The following GNL3L variants were observed in gnomAD, a reference collection of about 807,000 sequenced individuals.
GNL3L encodes the protein guanine nucleotide-binding protein-like 3-like protein.
A neutral mutation model predicts 42.9 loss-of-function variants in GNL3L; 4 were observed. That is an observed-to-expected ratio of 0.09 (90% CI 0.05 to 0.21). The LOEUF is 0.21. GNL3L is among the 10% of genes least tolerant of loss of function. GNL3L has a pLI of 1.00. For synonymous variants in GNL3L, 159 were observed against 176.3 expected, an observed-to-expected ratio of 0.90 and a Z score of 0.78; for missense variants, 412 against 481.7, an observed-to-expected ratio of 0.86 and a Z score of 1.36.
chrX:54,633,025 T>C, the GNL3L span, among the ~76,000 whole-genome samples: 1 of 110,793 alleles, frequency 9.0e-6, no homozygotes, highest in African/African-American at 3.3e-5. Context: ...GTGCAGTGAT[T>C]GTTATTGTTC....
chrX:54,629,155 G>A, the GNL3L span, among the ~76,000 whole-genome samples: 20 of 109,725 alleles, frequency 1.8e-4, no homozygotes, highest in Admixed American at 5.9e-4. Context: ...AGATCTAGAA[G>A]CTTTCTGGAG....
At chrX:54,548,086 G>A (rs1924823850) in intron 8 of GNL3L, 143 bp from the exon 9 acceptor site, 1 of 470,222 alleles carries the variant, frequency 2.1e-6, no homozygotes. Context: ...GAAATGACAC[G>A]TGTTCAAGAT....
chrX:54,607,138 T>TTTC lies in GNL3L; in HGVS notation c.*46-13705_*46-13704insCTT, dbSNP rs1426855903. Among the ~76,000 whole-genome samples the TTTC allele has an allele frequency of 4.1e-4, 36 of 86,819 alleles. 1 individual carries two copies. The highest frequency in any genetic ancestry group is 1.6e-3 in the African/African-American group (32 of 19,450). 75.4% of individuals were successfully genotyped at this position (86,819 alleles called of 115,157 possible). On this transcript the variant is annotated intron_variant, in intron 16 of 16. Transcript: ENST00000674498. ...CTTTCTTTCTTTCTTTCTTTCTTTC[T>TTTC]TTGTCTCTCTCTCTCTCTCTTTCTT...
At chrX:54,615,451 T>C (rs1926209633) in intron 16 of GNL3L, among the ~76,000 whole-genome samples, 1 of 111,883 alleles carries the variant, frequency 8.9e-6, no homozygotes, top group Non-Finnish European at 1.9e-5. Context: ...AATTGCTGGG[T>C]CATATGGCAA....
chrX:54,595,799 C>T (rs752733682), intron 16 of GNL3L, among the ~76,000 whole-genome samples: 4 of 112,016 alleles, frequency 3.6e-5, no homozygotes, highest in Middle Eastern at 4.6e-3. Flanking sequence ...TTTTTCTGCT[C>T]GATCAATTCT....
intron 9 of GNL3L, 39 bp downstream of exon 9, chrX:54,548,412 T>C (rs1304751342): frequency 9.1e-7 from 1 of 1,102,724 alleles, no homozygotes; most frequent in East Asian, 3.0e-5. Flanking sequence ...CAGGCTTCTT[T>C]CTTGAGCGGA....
the GNL3L span, among the ~76,000 whole-genome samples, chrX:54,645,274 A>T: frequency 9.8e-5 from 11 of 111,697 alleles, no homozygotes; most frequent in South Asian, 3.7e-3. Context: ...TGGGGCTTGC[A>T]CCTTTTCTCT....
chrX:54,636,770 T>C, the GNL3L span, among the ~76,000 whole-genome samples: 1 of 112,293 alleles, frequency 8.9e-6, no homozygotes. Context: ...TCCAATCCAC[T>C]GTTGATGGGC....
rs1925327591 is a variant in GNL3L, at chrX:54,563,394, A to C, written c.*2792A>C. 9.0e-6 allele frequency among the ~76,000 whole-genome samples: 1 copy of C among 111,381 alleles called. No homozygotes were observed. Among genetic ancestry groups the C allele is most frequent in the South Asian group, 3.8e-4 (1 of 2,645 alleles). ...GTAATGGAGAAGTGCTGGGAGGTAA[A>C]TATTAGAAATGGAAGTATCTAAATG... On this transcript the variant is annotated 3_prime_UTR_variant, in exon 16 of 16. Transcript: ENST00000360845.
At chrX:54,567,608 T>C (rs962506667), downstream of GNL3L, among the ~76,000 whole-genome samples, 5 of 105,957 alleles carry the variant, frequency 4.7e-5, no homozygotes, top group Non-Finnish European at 7.7e-5. Context: ...ATCACACCAT[T>C]GCACTCTAGC....
intron 16 of GNL3L, among the ~76,000 whole-genome samples, chrX:54,618,221 C>G (rs1347181286): frequency 9.0e-6 from 1 of 110,716 alleles, no homozygotes; most frequent in Non-Finnish European, 1.9e-5. Flanking sequence ...ATTATCTGCC[C>G]CGGCAGTCTT....
At chrX:54,537,146 C>T (rs1924459733) in intron 2 of GNL3L, among the ~76,000 whole-genome samples, 1 of 108,564 alleles carries the variant, frequency 9.2e-6, no homozygotes, top group Middle Eastern at 4.7e-3. Context: ...CCTCAGCTTC[C>T]TGAGAGCTAG....
chrX:54,588,105 T>C (rs1231897742), intron 16 of GNL3L, among the ~76,000 whole-genome samples: 1 of 112,266 alleles, frequency 8.9e-6, no homozygotes, highest in Non-Finnish European at 1.9e-5. Context: ...CTAGGAGATA[T>C]TTTGGTAGCT....
At chrX:54,580,130 T>G in intron 16 of GNL3L, among the ~76,000 whole-genome samples, 1 of 94,295 alleles carries the variant, frequency 1.1e-5, no homozygotes, top group Non-Finnish European at 2.1e-5. Context: ...GTATATCTCC[T>G]AGTGCTATCC....
At chrX:54,617,882 G>A (rs1238444767) in intron 16 of GNL3L, among the ~76,000 whole-genome samples, 1 of 111,567 alleles carries the variant, frequency 9.0e-6, no homozygotes, top group African/African-American at 3.3e-5. Context: ...AAGCTATCCA[G>A]TTTATGGTAT....
chrX:54,611,385 G>C (rs1189908598), intron 16 of GNL3L, among the ~76,000 whole-genome samples: 1 of 111,407 alleles, frequency 9.0e-6, no homozygotes, highest in African/African-American at 3.3e-5. Flanking sequence ...CCTTTCTTCT[G>C]TTGGGTTTGG....
chrX:54,536,084 C>T (rs1476259565), intron 2 of GNL3L, among the ~76,000 whole-genome samples: 2 of 111,251 alleles, frequency 1.8e-5, no homozygotes, highest in Non-Finnish European at 3.8e-5. Flanking sequence ...CGTGCCAACA[C>T]GCCCGGCTAA....
downstream of GNL3L, among the ~76,000 whole-genome samples, chrX:54,624,421 C>A (rs868142924): frequency 1.0e-5 from 1 of 95,254 alleles, no homozygotes; most frequent in African/African-American, 3.9e-5. Context: ...GGAATGATTT[C>A]TTTTTTTTTT....
chrX:54,560,739 C>G lies in GNL3L; in HGVS notation c.*137C>G. On this transcript the variant is annotated 3_prime_UTR_variant, in exon 16 of 16. Transcript: ENST00000360845. ...TCCCCACTGTGTGTCTTCTCCCCCTCCTCCAGTAAAAACAGTCCCGGCTAG... is the reference window on the plus strand; with the variant it reads ...TCCCCACTGTGTGTCTTCTCCCCCTGCTCCAGTAAAAACAGTCCCGGCTAG... 4.1e-6 allele frequency: 2 copies of G among 485,091 alleles called. No homozygotes were observed. The highest frequency in any genetic ancestry group is 6.3e-5 in the South Asian group (2 of 31,664). The allele number at this position is 485,091 out of a possible 1,213,427, so 40.0% of individuals were successfully genotyped here. A position where few individuals can be genotyped will look rare whatever the true frequency, so the allele number is the denominator to read the frequency against.
Sources: gnomAD v4.1 joint callset for allele counts (sites outside exome capture counted in the v4.1 genomes callset) on GRCh38, gnomAD v4.1.1 for gene constraint, MANE v1.5 for transcripts, NCBI Gene and HGNC (gene_info 2026-07-23, HGNC 2026-07-21) for gene names.